The following RUFY3 variants were observed in gnomAD, a reference collection of about 807,000 sequenced individuals.
The protein encoded by RUFY3 is RUN and FYVE domain containing 3.
In RUFY3, 34 loss-of-function variants were observed where a neutral mutation model predicts 84.0. The ratio of observed to expected loss-of-function variants is 0.40; its 90% CI spans 0.31 to 0.54. The LOEUF is 0.54. RUFY3 is among the 20% of genes least tolerant of loss of function. The pLI, the probability that RUFY3 is intolerant of heterozygous loss-of-function variation, is 0.39. For synonymous variants in RUFY3, 242 were observed against 252.9 expected (o/e 0.96, Z 0.41); for missense variants, 507 against 736.8 (o/e 0.69, Z 3.61).
rs868773737 is a variant in RUFY3 at position 70,804,996 on chromosome 4, G to A, written c.1719+580G>A. Reference sequence around the variant, plus strand: ...CAAATAAGCAGATAGAAATGTATAAGTAAATATTGAGTGCCTGCTGTGTAG... The same window carrying A: ...CAAATAAGCAGATAGAAATGTATAAATAAATATTGAGTGCCTGCTGTGTAG... On this transcript the variant is annotated intron_variant, in intron 17 of 17. Coordinates refer to ENST00000381006, the MANE Select transcript of RUFY3 (RefSeq NM_001037442.4). Among the ~76,000 whole-genome samples the A allele has an allele frequency of 4.6e-5, 7 of 152,258 alleles. 1 individual carries two copies. Among genetic ancestry groups the A allele is most frequent in the Middle Eastern group, 6.8e-3 (2 of 294 alleles).
intron 1 of RUFY3, among the ~76,000 whole-genome samples, chr4:70,710,442 A>G (rs10009589): frequency 0.19 from 28,905 of 152,072 alleles, 5,380 homozygotes; most frequent in African/African-American, 0.48. Context: ...AGGCCAAGGC[A>G]GGCGGATCAC....
intron 13 of RUFY3, chr4:70,794,529 T>C: frequency 2.7e-6 from 1 of 372,788 alleles, no homozygotes; most frequent in East Asian, 5.8e-5. Flanking sequence ...TACGGTGACC[T>C]GAGATCATGC....
In RUFY3 at chr4:70,784,849, G is replaced by A. The variant is rs1729524140; in HGVS notation, c.1041G>A (p.Lys347=). 1.2e-6 allele frequency: 2 copies of A among 1,606,578 alleles called. No homozygotes were observed. The highest frequency in any genetic ancestry group is 1.7e-6 in the Non-Finnish European group (2 of 1,176,850). ...AEGQALSEAR[K]HLKEETQLRL... ...GGCAAGCACTAAGTGAAGCAAGAAA[G>A]CATTTAAAAGAAGAGACACAATTAC... is the stretch of plus-strand genomic sequence containing the variant. The change falls in exon 10 of 18, where the codon AAG becomes AAA. Residue 347 remains lysine, a synonymous_variant. Transcript: ENST00000381006.
chr4:70,759,131 TAACC>T, intron 1 of RUFY3, among the ~76,000 whole-genome samples: 1 of 152,322 alleles, frequency 6.6e-6, no homozygotes, highest in Non-Finnish European at 1.5e-5. Flanking sequence ...TTGCATCTGT[TAACC>T]AACCTCTCCC....
At chr4:70,757,985 ATGTTT>A (rs1308705490) in intron 1 of RUFY3, among the ~76,000 whole-genome samples, 4 of 152,250 alleles carry the variant, frequency 2.6e-5, no homozygotes, top group African/African-American at 9.6e-5. Flanking sequence ...AAAGTCATGC[ATGTTT>A]TAAAATGGCT....
At chr4:70,770,753 C>T (rs1033200618) in intron 5 of RUFY3, among the ~76,000 whole-genome samples, 1 of 152,204 alleles carries the variant, frequency 6.6e-6, no homozygotes, top group Non-Finnish European at 1.5e-5. Context: ...CCTTTGCTTT[C>T]ACAACCTGGC....
chr4:70,738,960 C>G (rs1345648162), intron 1 of RUFY3, among the ~76,000 whole-genome samples: 2 of 151,788 alleles, frequency 1.3e-5, no homozygotes, highest in Non-Finnish European at 2.9e-5. Context: ...GGCGATGCAC[C>G]CACCTCTGCC....
chr4:70,787,187 A>AAATATATAT (rs1553920475), intron 10 of RUFY3, among the ~76,000 whole-genome samples: 6 of 81,474 alleles, frequency 7.4e-5, no homozygotes, highest in African/African-American at 2.6e-4. Flanking sequence ...AAAAAAAAAA[A>AAATATATAT]ATATATATAT....
At chr4:70,752,698 T>C (rs1231992260) in intron 1 of RUFY3, among the ~76,000 whole-genome samples, 1 of 152,232 alleles carries the variant, frequency 6.6e-6, no homozygotes, top group Non-Finnish European at 1.5e-5. Context: ...ACTCTGTTAA[T>C]TTGGTGTATT....
intron 10 of RUFY3, among the ~76,000 whole-genome samples, chr4:70,787,809 T>TA (rs1179588726): frequency 6.6e-6 from 1 of 152,174 alleles, no homozygotes; most frequent in African/African-American, 2.4e-5. Flanking sequence ...CATATCCTTT[T>TA]ATCACAGTAA....
intron 10 of RUFY3, among the ~76,000 whole-genome samples, chr4:70,787,718 T>A (rs1317322222): frequency 6.6e-6 from 1 of 152,148 alleles, no homozygotes; most frequent in African/African-American, 2.4e-5. Flanking sequence ...TAAGAAGGGG[T>A]ATGATTCGTT....
At chr4:70,796,812 C>T (rs1025805261) in intron 14 of RUFY3, among the ~76,000 whole-genome samples, 1 of 152,142 alleles carries the variant, frequency 6.6e-6, no homozygotes, top group Non-Finnish European at 1.5e-5. Flanking sequence ...TCCCCAAAAG[C>T]TTTTTGTAAA....
chr4:70,752,226 G>A (rs886480679), intron 1 of RUFY3, among the ~76,000 whole-genome samples: 1 of 152,018 alleles, frequency 6.6e-6, no homozygotes, highest in African/African-American at 2.4e-5. Context: ...ATTGTTTGTT[G>A]CTAATGTATA....
rs79905614 is a variant in RUFY3, at chr4:70,805,788, G to T, written c.1720-728G>T. Among the ~76,000 whole-genome samples the T allele has an allele frequency of 7.6e-3, 1,155 of 152,284 alleles. 12 individuals are homozygous for T. The highest frequency in any genetic ancestry group is 0.027 in the African/African-American group (1,116 of 41,544). On this transcript the variant is annotated intron_variant, in intron 17 of 17. Transcript: ENST00000381006. ...CCCCTACTCCTCTCAACCTCAGGAA[G>T]ATGAATTATTTGGGATGAAGGTAGC...
intron 5 of RUFY3, among the ~76,000 whole-genome samples, chr4:70,769,461 A>G (rs1368004664): frequency 1.3e-5 from 2 of 152,264 alleles, no homozygotes; most frequent in Admixed American, 1.3e-4. Context: ...AAATGCTAAC[A>G]ATCACCTGAG....
chr4:70,772,370 A>G (rs2148734006), intron 5 of RUFY3, among the ~76,000 whole-genome samples: 1 of 152,232 alleles, frequency 6.6e-6, no homozygotes, highest in East Asian at 1.9e-4. Context: ...AAAGCACGGT[A>G]GTTAAGAGTA....
chr4:70,790,522 A>C (rs1019675320), intron 12 of RUFY3, among the ~76,000 whole-genome samples: 1 of 152,204 alleles, frequency 6.6e-6, no homozygotes, highest in African/African-American at 2.4e-5. Context: ...TTTTAAGTTT[A>C]GGCTCAAATG....
chr4:70,793,100 C>T, intron 12 of RUFY3: 1 of 985,252 alleles, frequency 1.0e-6, no homozygotes, highest in East Asian at 1.1e-4. Flanking sequence ...AAGAAAACAT[C>T]CATCAGAATC....
chr4:70,727,529 T>C (rs550284600), intron 1 of RUFY3, among the ~76,000 whole-genome samples: 63 of 151,664 alleles, frequency 4.2e-4, no homozygotes, highest in Non-Finnish European at 8.0e-4. Flanking sequence ...GTAATTTTTG[T>C]ATTTTTAGTA....
Sources: gnomAD v4.1 joint callset for allele counts (sites outside exome capture counted in the v4.1 genomes callset) on GRCh38, gnomAD v4.1.1 for gene constraint, MANE v1.5 for transcripts, NCBI Gene and HGNC (gene_info 2026-07-23, HGNC 2026-07-21) for gene names.